RBKS: variants seen among roughly 807,000 people sequenced by gnomAD.
RBKS encodes ribokinase.
In RBKS, 33 loss-of-function variants were observed where a neutral mutation model predicts 33.9. That is an observed-to-expected ratio of 0.97 (90% CI 0.74 to 1.30). RBKS has a LOEUF of 1.30. RBKS is among the 50% of genes most tolerant of loss of function. The pLI is 0.00. For missense variants in RBKS, 361 were observed against 392.6 expected, an observed-to-expected ratio of 0.92 and a Z score of 0.68; for synonymous variants, 125 against 143.0, an observed-to-expected ratio of 0.87 and a Z score of 0.90.
intron 1 of RBKS, among the ~76,000 whole-genome samples, chr2:27,888,789 TA>T (rs11298702): frequency 0.68 from 102,441 of 151,626 alleles, 36,006 homozygotes; most frequent in Middle Eastern, 0.82. Context: ...AAAATGTTGT[TA>T]AAAAAAAATG....
chr2:27,883,263 G>C (rs576334741), intron 1 of RBKS, among the ~76,000 whole-genome samples: 9 of 149,700 alleles, frequency 6.0e-5, no homozygotes, highest in African/African-American at 2.2e-4. Context: ...GCAGTGGCAC[G>C]ATCTCAGCTC....
intron 1 of RBKS, among the ~76,000 whole-genome samples, chr2:27,859,184 C>T (rs1425513981): frequency 1.3e-5 from 2 of 152,012 alleles, no homozygotes; most frequent in Non-Finnish European, 2.9e-5. Flanking sequence ...CGTGCTCACT[C>T]AAAAAGGGTG....
intron 3 of RBKS, 91 bp downstream of exon 3, chr2:27,847,943 C>T: frequency 1.4e-6 from 1 of 735,774 alleles, no homozygotes; most frequent in East Asian, 2.7e-5. Flanking sequence ...AGGGGAAGGT[C>T]TAATAATCCT....
intron 5 of RBKS, among the ~76,000 whole-genome samples, chr2:27,842,132 A>G (rs918129721): frequency 1.3e-5 from 2 of 152,228 alleles, no homozygotes; most frequent in Non-Finnish European, 2.9e-5. Flanking sequence ...CGAAGCTGAC[A>G]AGGGACAGAA....
At chr2:27,785,456 G>T (rs190775076) in intron 7 of RBKS, among the ~76,000 whole-genome samples, 3 of 152,228 alleles carry the variant, frequency 2.0e-5, no homozygotes, top group Non-Finnish European at 4.4e-5. Context: ...CGAAAAGATG[G>T]TAATGACTAG....
At chr2:27,797,211 T>G (rs540483790) in intron 7 of RBKS, among the ~76,000 whole-genome samples, 2 of 152,280 alleles carry the variant, frequency 1.3e-5, no homozygotes, top group African/African-American at 2.4e-5. Flanking sequence ...TAGGCTTATT[T>G]GGGGCTGCGG....
At chr2:27,865,002 A>G (rs1471958524) in intron 1 of RBKS, among the ~76,000 whole-genome samples, 1 of 152,224 alleles carries the variant, frequency 6.6e-6, no homozygotes, top group Non-Finnish European at 1.5e-5. Flanking sequence ...ACAGGTCTTT[A>G]ACTTCCAAGG....
chr2:27,799,427 C>G (rs1324839738), intron 7 of RBKS, among the ~76,000 whole-genome samples: 1 of 152,204 alleles, frequency 6.6e-6, no homozygotes, highest in Non-Finnish European at 1.5e-5. Flanking sequence ...TCCCCGATGT[C>G]TTCATGCATT....
chr2:27,850,146 C>T (rs774597843), intron 2 of RBKS, among the ~76,000 whole-genome samples: 3 of 152,190 alleles, frequency 2.0e-5, no homozygotes, highest in Non-Finnish European at 4.4e-5. Flanking sequence ...GTTTGCCCTA[C>T]TACTGTTTTC....
chr2:27,855,821 C>T (rs1663847368), intron 2 of RBKS, among the ~76,000 whole-genome samples: 1 of 152,142 alleles, frequency 6.6e-6, no homozygotes, highest in Admixed American at 6.5e-5. Context: ...TTGTTTGGGC[C>T]ATCAATCTTA....
At chr2:27,835,312 G>A (rs1171594112) in intron 5 of RBKS, among the ~76,000 whole-genome samples, 2 of 151,300 alleles carry the variant, frequency 1.3e-5, no homozygotes, top group African/African-American at 4.9e-5. Context: ...ATTATGACAC[G>A]TCTGATGTAG....
At chr2:27,865,358 C>T (rs1433589830) in intron 1 of RBKS, among the ~76,000 whole-genome samples, 4 of 152,056 alleles carry the variant, frequency 2.6e-5, no homozygotes, top group East Asian at 3.9e-4. Context: ...TTCTTTAATC[C>T]GGTGCCAGAA....
intron 5 of RBKS, among the ~76,000 whole-genome samples, chr2:27,835,111 A>C (rs1334729397): frequency 6.6e-6 from 1 of 151,986 alleles, no homozygotes; most frequent in Non-Finnish European, 1.5e-5. Context: ...CTCTGTCTTC[A>C]CTAAAAGTAT....
At chr2:27,786,778 CAA>C (rs1158881753) in intron 7 of RBKS, among the ~76,000 whole-genome samples, 20 of 68,846 alleles carry the variant, frequency 2.9e-4, no homozygotes, top group Admixed American at 5.1e-4. Context: ...GAGACTGTCT[CAA>C]AAAAAAAAAA....
chr2:27,838,203 A>G (rs1054704595), intron 5 of RBKS, among the ~76,000 whole-genome samples: 2 of 152,196 alleles, frequency 1.3e-5, no homozygotes, highest in Non-Finnish European at 2.9e-5. Flanking sequence ...TCTATCTCAA[A>G]CAAACAAAAA....
chr2:27,805,918 G>T (rs1384038240), intron 7 of RBKS, among the ~76,000 whole-genome samples: 5 of 151,134 alleles, frequency 3.3e-5, no homozygotes, highest in Non-Finnish European at 5.9e-5. Flanking sequence ...TTGAGACAGG[G>T]TTTCACTCTG....
chr2:27,865,136 C>A (rs566887224), intron 1 of RBKS, among the ~76,000 whole-genome samples: 12 of 152,204 alleles, frequency 7.9e-5, no homozygotes, highest in African/African-American at 2.9e-4. Flanking sequence ...CTGGCTAACA[C>A]GGTGAAACCT....
At chr2:27,853,353 GAAAA>G (rs71401587) in intron 2 of RBKS, among the ~76,000 whole-genome samples, 1 of 64,612 alleles carries the variant, frequency 1.5e-5, no homozygotes, top group Non-Finnish European at 3.1e-5. Flanking sequence ...ACCTGTCTCT[GAAAA>G]AAAAAAAAAA....
At chr2:27,835,046 C>T (rs1034756763) in intron 5 of RBKS, among the ~76,000 whole-genome samples, 19 of 152,120 alleles carry the variant, frequency 1.2e-4, no homozygotes, top group South Asian at 4.2e-4. Flanking sequence ...GAAGCTGAGG[C>T]GGGTGGATCA....
Sources: allele counts gnomAD v4.1 joint callset (sites outside exome capture counted in the v4.1 genomes callset), GRCh38; gene constraint gnomAD v4.1.1; transcripts MANE v1.5; gene names NCBI Gene and HGNC (gene_info 2026-07-23, HGNC 2026-07-21).